The following NFASC variants were observed in gnomAD, a reference collection of about 807,000 sequenced individuals.
NFASC encodes the protein neurofascin.
In NFASC, 43 loss-of-function variants were observed where a neutral mutation model predicts 147.5. That is an observed-to-expected ratio of 0.29 (90% CI 0.23 to 0.38). The LOEUF (loss-of-function observed/expected upper bound fraction) is 0.38. Ranked by LOEUF, NFASC falls within the 10% of genes least tolerant of loss-of-function variation. The probability of loss-of-function intolerance (pLI) is 1.00; values close to 1 mark genes in which losing one functional copy is unlikely to be tolerated. For missense variants in NFASC, 1,320 were observed against 1,689.0 expected, an observed-to-expected ratio of 0.78 and a Z score of 3.83; for synonymous variants, 622 against 665.5, an observed-to-expected ratio of 0.93 and a Z score of 1.01.
chr1:204,860,220 C>T lies in NFASC; in HGVS notation c.-200+31438C>T, dbSNP rs115704901. On this transcript the variant is annotated intron_variant, in intron 1 of 29. Transcript: ENST00000339876. The stretch of plus-strand genomic sequence containing the variant: ...GCAGGGATTAGAGTCACCAAGAAAA[C>T]TAGCTGTATTGGAAATGTCTTCCTC... 2.8e-3 allele frequency among the ~76,000 whole-genome samples: 429 copies of T among 152,332 alleles called. 1 individual carries two copies. The highest frequency in any genetic ancestry group is 9.7e-3 in the African/African-American group (403 of 41,574).
intron 3 of NFASC, among the ~76,000 whole-genome samples, chr1:204,948,440 C>T (rs1371905066): frequency 6.6e-6 from 1 of 152,196 alleles, no homozygotes; most frequent in Non-Finnish European, 1.5e-5. Context: ...GGGACAGCAT[C>T]CAACCAACTC....
intron 1 of NFASC, among the ~76,000 whole-genome samples, chr1:204,904,799 T>G (rs1459761107): frequency 2.0e-5 from 3 of 152,178 alleles, no homozygotes; most frequent in Admixed American, 2.0e-4. Context: ...GGTTCATGAC[T>G]CACTCTCATC....
chr1:204,924,253 C>A (rs1487630381), intron 2 of NFASC, among the ~76,000 whole-genome samples: 1 of 152,140 alleles, frequency 6.6e-6, no homozygotes, highest in Non-Finnish European at 1.5e-5. Context: ...GCAGTTGGAT[C>A]CAGACTGATG....
At chr1:204,931,952 C>G (rs2092397759) in intron 2 of NFASC, among the ~76,000 whole-genome samples, 2 of 152,158 alleles carry the variant, frequency 1.3e-5, no homozygotes. Flanking sequence ...CTCTCTCACT[C>G]TGACCAGGGC....
intron 1 of NFASC, among the ~76,000 whole-genome samples, chr1:204,893,047 T>C (rs1424937470): frequency 6.6e-6 from 1 of 152,198 alleles, no homozygotes; most frequent in African/African-American, 2.4e-5. Flanking sequence ...AACTAAAGAA[T>C]CTGTAGGAAG....
rs764241448 is a variant in NFASC, at chr1:205,016,401, C to T, written c.3585C>T (p.Gly1195=). The T allele has an allele frequency of 7.4e-6, 12 of 1,613,916 alleles. No homozygotes were observed. The highest frequency in any genetic ancestry group is 5.0e-5 in the Admixed American group (3 of 60,020). Residue 1195 remains glycine (G), a synonymous_variant, in exon 30 of 30, where the codon GGC becomes GGT. Transcript: ENST00000339876. The surrounding 1 kb of genome is among the most constrained non-coding windows in gnomAD (Gnocchi z 5.1). Reference sequence around the variant, plus strand: ...GTGACGACAGCCTGGTGGACTATGGCGAGGGTGGCGAGGGTCAGTTCAATG... The same window carrying T: ...GTGACGACAGCCTGGTGGACTATGGTGAGGGTGGCGAGGGTCAGTTCAATG... The part of the protein sequence containing the change: ...QESDDSLVDY[G]EGGEGQFNED...
intron 1 of NFASC, among the ~76,000 whole-genome samples, chr1:204,892,458 A>G (rs1379177391): frequency 6.6e-6 from 1 of 152,228 alleles, no homozygotes; most frequent in Non-Finnish European, 1.5e-5. Flanking sequence ...AGCGACAGTC[A>G]TCTGGTGGCC....
At chr1:204,855,791 T>C (rs2076103081) in intron 1 of NFASC, among the ~76,000 whole-genome samples, 1 of 152,156 alleles carries the variant, frequency 6.6e-6, no homozygotes, top group Non-Finnish European at 1.5e-5. Context: ...GAATCCCTGC[T>C]TGTTGACATA....
intron 1 of NFASC, among the ~76,000 whole-genome samples, chr1:204,912,726 A>T (rs954949256): frequency 9.9e-5 from 15 of 151,988 alleles, no homozygotes; most frequent in Admixed American, 3.9e-4. Context: ...TAAAATTTTT[A>T]AAAAATTGTG....
rs2096373617 is a variant in NFASC, at chr1:205,017,821, A to T, written c.*1282A>T. The T allele has an allele frequency of 6.5e-6, 1 of 152,684 alleles. No individual in the cohort carries two copies. The highest frequency in any genetic ancestry group is 2.1e-4 in the South Asian group (1 of 4,826). 9.5% of individuals were successfully genotyped at this position (152,684 alleles called of 1,614,324 possible). ...TCAGGGGACCCTGAGGTGGCACCGT[A>T]CTCAGTGTTGTGATGCCCCCACCTA... is the stretch of plus-strand genomic sequence containing the variant. On this transcript the variant is annotated 3_prime_UTR_variant, in exon 30 of 30. Coordinates refer to ENST00000339876, the MANE Select transcript of NFASC (RefSeq NM_001005388.3).
intron 1 of NFASC, among the ~76,000 whole-genome samples, chr1:204,902,053 G>A (rs2146354): frequency 6.6e-6 from 1 of 152,240 alleles, no homozygotes; most frequent in Non-Finnish European, 1.5e-5. Flanking sequence ...CAACACTTTA[G>A]AAGGCCGAGG....
chr1:204,907,944 A>ATG (rs58491017), intron 1 of NFASC, among the ~76,000 whole-genome samples: 11,113 of 150,608 alleles, frequency 0.074, 1,282 homozygotes, highest in African/African-American at 0.25. Context: ...ATGAGAATAA[A>ATG]TGTGTGTGTG....
At chr1:205,005,561 GA>G (rs2096088074) in intron 27 of NFASC, among the ~76,000 whole-genome samples, 1 of 152,220 alleles carries the variant, frequency 6.6e-6, no homozygotes, top group African/African-American at 2.4e-5. Context: ...GATCCGTTAG[GA>G]ATCTTGAAAC....
At chr1:204,984,080 A>G (rs1344599241) in intron 21 of NFASC, 1 of 1,614,194 alleles carries the variant, frequency 6.2e-7, no homozygotes, top group East Asian at 2.2e-5. Context: ...CAGCACAGCC[A>G]TCAGCCTTCA....
chr1:204,933,351 T>C (rs1430222813), intron 2 of NFASC, among the ~76,000 whole-genome samples: 7 of 152,124 alleles, frequency 4.6e-5, no homozygotes, highest in Admixed American at 6.5e-5. Flanking sequence ...AGGGCCTTGA[T>C]GCCTGGGTAT....
At chr1:204,884,011 A>T (rs1001960989) in intron 1 of NFASC, among the ~76,000 whole-genome samples, 1 of 152,190 alleles carries the variant, frequency 6.6e-6, no homozygotes, top group Non-Finnish European at 1.5e-5. Flanking sequence ...GTGCCTCGAC[A>T]TCTTGGTTTT....
rs772949687 is a variant in NFASC, at chr1:204,991,285, T to C, written c.2768-7T>C. 4.3e-6 allele frequency: 7 copies of C among 1,612,894 alleles called. No homozygotes were observed. Among genetic ancestry groups the C allele is most frequent in the Non-Finnish European group, 5.9e-6 (7 of 1,179,484 alleles). ...TGTCTGGCCATCTTGGGCGCTGTGT[T>C]CTGAAGCTACTCCAACCGCAGGTAC... On this transcript the variant is annotated splice_polypyrimidine_tract_variant and splice_region_variant and intron_variant, in intron 23 of 29. Coordinates refer to ENST00000339876, the MANE Select transcript of NFASC (RefSeq NM_001005388.3).
In NFASC at chr1:204,975,510, A is replaced by G. The variant is rs1034734233; in HGVS notation, c.1706+92A>G. On this transcript the variant is annotated intron_variant, in intron 15 of 29. Transcript: ENST00000339876. This position sits in a 1 kb window ranked among gnomAD's most constrained non-coding sequence, Gnocchi z 4.0. ...GTGACACATGGAAGAACACAGGGACAGGGAACCCGTGTCATGCATGTCACC... is the reference window on the plus strand; with the variant it reads ...GTGACACATGGAAGAACACAGGGACGGGGAACCCGTGTCATGCATGTCACC... 6.7e-7 allele frequency: 1 copy of G among 1,490,934 alleles called. No homozygotes were observed. The highest frequency in any genetic ancestry group is 9.2e-7 in the Non-Finnish European group (1 of 1,089,664). 92.4% of individuals were successfully genotyped at this position (1,490,934 alleles called of 1,614,324 possible).
intron 1 of NFASC, among the ~76,000 whole-genome samples, chr1:204,920,296 G>A (rs2090170369): frequency 6.6e-6 from 1 of 152,192 alleles, no homozygotes; most frequent in Admixed American, 6.5e-5. Context: ...CTCCCCTGGT[G>A]GAGGAGAGAT....
Sources: allele counts gnomAD v4.1 joint callset (sites outside exome capture counted in the v4.1 genomes callset), GRCh38; gene constraint gnomAD v4.1.1; non-coding constraint Gnocchi (gnomAD v3.1); transcripts MANE v1.5; gene names NCBI Gene and HGNC (gene_info 2026-07-23, HGNC 2026-07-21).